CDH20: variants seen among roughly 807,000 people sequenced by gnomAD.
CDH20 encodes the protein cadherin 20.
A neutral mutation model predicts 74.2 loss-of-function variants in CDH20; 29 were observed. The ratio of observed to expected loss-of-function variants is 0.39; its 90% CI spans 0.29 to 0.53. The LOEUF (loss-of-function observed/expected upper bound fraction) is 0.53. Among genes scored for constraint, CDH20 ranks in the 20% least tolerant of loss-of-function variants. CDH20 has a pLI of 0.69. For missense variants in CDH20, 988 were observed against 1,048.3 expected, an observed-to-expected ratio of 0.94 and a Z score of 0.79; for synonymous variants, 469 against 405.4, an observed-to-expected ratio of 1.16 and a Z score of -1.88.
At chr18:61,407,584 C>T (rs75424812) in intron 1 of CDH20, among the ~76,000 whole-genome samples, 3,554 of 152,182 alleles carry the variant, frequency 0.023, 150 homozygotes, top group African/African-American at 0.081. Flanking sequence ...AATGGAAACC[C>T]GCTGAAGGTT....
At chr18:61,487,230 C>T (rs1336436187) in intron 1 of CDH20, among the ~76,000 whole-genome samples, 1 of 152,130 alleles carries the variant, frequency 6.6e-6, no homozygotes, top group East Asian at 1.9e-4. Flanking sequence ...ATAAGAACAA[C>T]AGCAATTAGC....
chr18:61,424,278 T>C (rs1912991978), intron 1 of CDH20, among the ~76,000 whole-genome samples: 2 of 152,238 alleles, frequency 1.3e-5, no homozygotes, highest in Non-Finnish European at 2.9e-5. Flanking sequence ...AGATTATTGT[T>C]AGCTACAGTG....
intron 1 of CDH20, among the ~76,000 whole-genome samples, chr18:61,416,705 A>G (rs1187812367): frequency 1.3e-5 from 2 of 152,222 alleles, no homozygotes; most frequent in African/African-American, 4.8e-5. Flanking sequence ...TGGCCAGGAC[A>G]AAGACACATG....
intron 1 of CDH20, among the ~76,000 whole-genome samples, chr18:61,397,346 G>A (rs1912018454): frequency 6.6e-6 from 1 of 152,068 alleles, no homozygotes. Context: ...TTTTCCTGGA[G>A]TCCTCCTGGC....
At chr18:61,504,800 C>G (rs577985314) in intron 5 of CDH20, among the ~76,000 whole-genome samples, 1 of 152,168 alleles carries the variant, frequency 6.6e-6, no homozygotes, top group Non-Finnish European at 1.5e-5. Context: ...GCTAACCTTC[C>G]CTTGTATCTA....
intron 1 of CDH20, among the ~76,000 whole-genome samples, chr18:61,396,722 CA>C (rs1568124056): frequency 6.6e-6 from 1 of 152,152 alleles, no homozygotes. Context: ...TGCAAGAGAC[CA>C]ACTTTAGTTT....
intron 1 of CDH20, among the ~76,000 whole-genome samples, chr18:61,396,794 C>A (rs968331165): frequency 6.6e-6 from 1 of 152,220 alleles, no homozygotes; most frequent in South Asian, 2.1e-4. Context: ...AGTTAATCCC[C>A]AGCAAACAGC....
At position 61,517,707 on chromosome 18, in the gene CDH20, G is replaced by GTT. The variant is rs1555682491; in HGVS notation, c.1017+10148_1017+10149dup. Among the ~76,000 whole-genome samples the GTT allele has an allele frequency of 1.1e-3, 171 of 151,762 alleles. 2 individuals are homozygous for GTT. Among genetic ancestry groups the GTT allele is most frequent in the African/African-American group, 3.5e-3 (146 of 41,344 alleles). On this transcript the variant is annotated intron_variant, in intron 6 of 11. Transcript: ENST00000262717. ...AGCTGCAGTTTTTTTTGTTGTTGTT[G>GTT]TTGTTTTGTTTTGTTTTGTTTTGTT...
At chr18:61,477,086 G>A (rs552654615) in intron 1 of CDH20, among the ~76,000 whole-genome samples, 3 of 152,082 alleles carry the variant, frequency 2.0e-5, no homozygotes, top group Admixed American at 6.6e-5. Context: ...AAACAGCCTC[G>A]GAAAATGAGG....
intron 7 of CDH20, among the ~76,000 whole-genome samples, chr18:61,531,765 A>G (rs1420722112): frequency 6.6e-6 from 1 of 152,078 alleles, no homozygotes; most frequent in East Asian, 1.9e-4. Context: ...TGTTCTCATG[A>G]TAGTGAGTGA....
intron 1 of CDH20, among the ~76,000 whole-genome samples, chr18:61,467,624 T>C (rs1342777913): frequency 1.3e-5 from 2 of 152,190 alleles, no homozygotes; most frequent in Non-Finnish European, 2.9e-5. Flanking sequence ...ACATGATAGT[T>C]TATGCCATAG....
At chr18:61,464,476 TA>T in intron 1 of CDH20, among the ~76,000 whole-genome samples, 1 of 152,184 alleles carries the variant, frequency 6.6e-6, no homozygotes, top group African/African-American at 2.4e-5. Context: ...GTAGATAAGC[TA>T]AAAAACTTCA....
At chr18:61,355,045 C>T (rs1382536225) in intron 1 of CDH20, among the ~76,000 whole-genome samples, 1 of 152,224 alleles carries the variant, frequency 6.6e-6, no homozygotes, top group Non-Finnish European at 1.5e-5. Context: ...CCTTAGAAGG[C>T]CACATCTAGA....
intron 1 of CDH20, among the ~76,000 whole-genome samples, chr18:61,478,768 G>A (rs1187107496): frequency 6.6e-6 from 1 of 152,068 alleles, no homozygotes; most frequent in Non-Finnish European, 1.5e-5. Context: ...ACGGGAAAGT[G>A]GCAATAAAGA....
At chr18:61,479,626 GTTTTC>G (rs1910517179) in intron 1 of CDH20, among the ~76,000 whole-genome samples, 1 of 151,440 alleles carries the variant, frequency 6.6e-6, no homozygotes. Flanking sequence ...ATTGCCTAGG[GTTTTC>G]TTTTCTTGTC....
rs1236951607 is a variant in CDH20 at position 61,555,135 on chromosome 18, T to C, written c.*440T>C. Reference sequence around the variant, plus strand: ...CTTATTCTCCATTTAAGAGTTTTGCTGGCTCAAACCACAGAAACCAACCCA... The same window carrying C: ...CTTATTCTCCATTTAAGAGTTTTGCCGGCTCAAACCACAGAAACCAACCCA... On this transcript the variant is annotated 3_prime_UTR_variant, in exon 12 of 12. Transcript: ENST00000262717. 4.0e-6 allele frequency: 4 copies of C among 996,146 alleles called. No individual in the cohort carries two copies. Among genetic ancestry groups the C allele is most frequent in the Non-Finnish European group, 4.8e-6 (4 of 836,962 alleles). 61.7% of individuals were successfully genotyped at this position (996,146 alleles called of 1,614,324 possible).
chr18:61,490,665 ACAC>A lies in CDH20; in HGVS notation c.116_118del (p.Pro39del), dbSNP rs766997942. 2 of 1,614,090 alleles carry A rather than the reference ACAC, an allele frequency of 1.2e-6. No individual in the cohort carries two copies. The highest frequency in any genetic ancestry group is 2.2e-5 in the South Asian group (2 of 91,074). ...GACCACCGTTCTCTCGGACACCCCA[ACAC>A]CACAAGGTGAATTAGAAGCACTCCT... On this transcript the variant is annotated inframe_deletion, in exon 2 of 12. Transcript: ENST00000262717.
chr18:61,492,735 C>T (rs1262439364), intron 2 of CDH20, among the ~76,000 whole-genome samples: 1 of 152,256 alleles, frequency 6.6e-6, no homozygotes, highest in Non-Finnish European at 1.5e-5. Context: ...CTCTGTTAGA[C>T]TCTCTTTCAC....
At chr18:61,435,601 C>A (rs7244431) in intron 1 of CDH20, among the ~76,000 whole-genome samples, 9 of 151,532 alleles carry the variant, frequency 5.9e-5, no homozygotes, top group African/African-American at 2.2e-4. Context: ...TGCCATTATC[C>A]CAGAAAGAGG....
Sources: gnomAD v4.1 joint callset for allele counts (sites outside exome capture counted in the v4.1 genomes callset) on GRCh38, gnomAD v4.1.1 for gene constraint, MANE v1.5 for transcripts, NCBI Gene and HGNC (gene_info 2026-07-23, HGNC 2026-07-21) for gene names.